The following PDCD7 variants were observed in gnomAD, a reference collection of about 807,000 sequenced individuals.
PDCD7 encodes the protein programmed cell death 7, also known as programmed cell death protein 7.
A neutral mutation model predicts 42.1 loss-of-function variants in PDCD7; 40 were observed. That is an observed-to-expected ratio of 0.95 (90% CI 0.74 to 1.24). The LOEUF (loss-of-function observed/expected upper bound fraction) is 1.24. Ranked by LOEUF, PDCD7 falls within the 50% of genes most tolerant of loss-of-function variation. The pLI is 0.00. For synonymous variants in PDCD7, 299 were observed against 303.3 expected (o/e 0.99, Z 0.15); for missense variants, 644 against 662.8 (o/e 0.97, Z 0.31).
rs535120052 is a variant in PDCD7, at chr15:65,118,642, G to C, written c.*75C>G. 17 of 1,449,378 alleles carry C rather than the reference G, an allele frequency of 1.2e-5. No individual in the cohort carries two copies. The East Asian group carries it at 4.0e-4, about 34-fold the overall frequency. The allele number at this position is 1,449,378 out of a possible 1,614,324, so 89.8% of individuals were successfully genotyped here. A position where few individuals can be genotyped will look rare whatever the true frequency, so the allele number is the denominator to read the frequency against. Reference sequence around the variant, plus strand: ...TTTAGAAGTTGCAGTTTAGTCTACAGCAAAAGATGGCACCATCGCTAATAT... The same window carrying C: ...TTTAGAAGTTGCAGTTTAGTCTACACCAAAAGATGGCACCATCGCTAATAT... On this transcript the variant is annotated 3_prime_UTR_variant, in exon 5 of 5. Coordinates refer to ENST00000204549, the MANE Select transcript of PDCD7 (RefSeq NM_005707.2).
intron 2 of PDCD7, among the ~76,000 whole-genome samples, chr15:65,121,473 A>C (rs1003193950): frequency 2.0e-5 from 3 of 152,224 alleles, no homozygotes; most frequent in African/African-American, 7.2e-5. Flanking sequence ...TCCCAGATCT[A>C]ATTAATAAAC....
In PDCD7 at chr15:65,132,949, C is replaced by A; in HGVS notation, c.833G>T (p.Arg278Met). 2 of 1,606,356 alleles carry A rather than the reference C, an allele frequency of 1.2e-6. No homozygotes were observed. Among genetic ancestry groups the A allele is most frequent in the Non-Finnish European group, 1.7e-6 (2 of 1,179,876 alleles). Residue 278 changes from arginine (R) to methionine (M), a missense_variant, in exon 1 of 5, where the codon AGG (arginine) becomes ATG (methionine). Coordinates refer to ENST00000204549, the MANE Select transcript of PDCD7 (RefSeq NM_005707.2). ...CTCCACCTCCTGCACACACTTCACC[C>A]TCCAGCGGTCAATCTCCTGCTCGCG... ...VEREQEIDRWRVKCVQEVEEK... is the reference protein window; with the variant it reads ...VEREQEIDRWMVKCVQEVEEK...
intron 1 of PDCD7, among the ~76,000 whole-genome samples, chr15:65,131,883 A>G (rs920719398): frequency 2.0e-5 from 3 of 152,210 alleles, no homozygotes; most frequent in Non-Finnish European, 4.4e-5. Context: ...GGAAACTGCC[A>G]CAAACTCGTT....
At chr15:65,121,058 T>C (rs1037286527) in intron 2 of PDCD7, among the ~76,000 whole-genome samples, 1 of 149,806 alleles carries the variant, frequency 6.7e-6, no homozygotes, top group African/African-American at 2.5e-5. Context: ...TCTTTCTTTT[T>C]TTTTTTTTTT....
chr15:65,121,152 G>A (rs1011322527), intron 2 of PDCD7, among the ~76,000 whole-genome samples: 7 of 151,286 alleles, frequency 4.6e-5, no homozygotes, highest in African/African-American at 1.7e-4. Context: ...ACGCATCCCG[G>A]GTTCAAGCGA....
intron 1 of PDCD7, 124 bp downstream of exon 1, chr15:65,132,788 G>T: frequency 7.1e-7 from 1 of 1,405,838 alleles, no homozygotes; most frequent in Non-Finnish European, 9.6e-7. Flanking sequence ...GGGAAGGTTA[G>T]CTATCGCTTC....
chr15:65,120,585 G>T (rs1047030021), intron 2 of PDCD7, among the ~76,000 whole-genome samples: 1 of 152,262 alleles, frequency 6.6e-6, no homozygotes, highest in East Asian at 1.9e-4. Flanking sequence ...GCAGGTACCT[G>T]TAGTCCCAGC....
At chr15:65,119,353 C>G in intron 4 of PDCD7, 23 bp downstream of exon 4, 1 of 1,559,916 alleles carries the variant, frequency 6.4e-7, no homozygotes, top group Non-Finnish European at 8.8e-7. Context: ...AGAAAGACAA[C>G]ATGGAGAGCC....
intron 1 of PDCD7, among the ~76,000 whole-genome samples, chr15:65,130,252 G>T (rs1335593109): frequency 1.3e-5 from 2 of 149,998 alleles, no homozygotes. Context: ...CCGCCTCCTG[G>T]GTTCAAGCGA....
intron 1 of PDCD7, 39 bp from the exon 2 acceptor site, chr15:65,129,209 A>G (rs747332131): frequency 4.2e-5 from 68 of 1,609,060 alleles, no homozygotes; most frequent in Non-Finnish European, 5.4e-5. Flanking sequence ...TCGTATTAGG[A>G]ACAAACTTAC....
chr15:65,125,428 G>A (rs1298216068), intron 2 of PDCD7, among the ~76,000 whole-genome samples: 2 of 151,976 alleles, frequency 1.3e-5, no homozygotes, highest in African/African-American at 2.4e-5. Flanking sequence ...TTTCTTCACA[G>A]GCAATCTTTT....
Position 65,129,882 on chromosome 15 carries a change from C to T in PDCD7, c.871-712G>A, listed in dbSNP as rs1201654964. On this transcript the variant is annotated intron_variant, in intron 1 of 4. Transcript: ENST00000204549. ...CCTACAGGCTATGACAAACCCGCTGCACTCCAGCCTGGGCAACAGAGTGAA... is the reference window on the plus strand; with the variant it reads ...CCTACAGGCTATGACAAACCCGCTGTACTCCAGCCTGGGCAACAGAGTGAA... Among the ~76,000 whole-genome samples the T allele has an allele frequency of 7.3e-5, 11 of 151,116 alleles. No individual in the cohort carries two copies. In the South Asian group the frequency reaches 2.1e-3, roughly 29 times the overall value.
At chr15:65,132,080 A>G (rs2087543924) in intron 1 of PDCD7, among the ~76,000 whole-genome samples, 1 of 144,570 alleles carries the variant, frequency 6.9e-6, no homozygotes. Flanking sequence ...ACATACATAT[A>G]TATACACATA....
chr15:65,133,026 C>A lies in PDCD7; in HGVS notation c.756G>T (p.Arg252Ser), dbSNP rs958256890. 1 of 1,599,010 alleles carries A rather than the reference C, an allele frequency of 6.3e-7. No homozygotes were observed. The highest frequency in any genetic ancestry group is 1.3e-5 in the African/African-American group (1 of 74,952). Residue 252 changes from arginine to serine, a missense_variant, in exon 1 of 5, where the codon AGG (arginine) becomes AGT (serine). Transcript: ENST00000204549. Reference protein sequence around the residue: ...VRRRRLRLRERAREREAEREA... With the variant: ...VRRRRLRLRESAREREAEREA... The stretch of plus-strand genomic sequence containing the variant: ...CCCGCTCGGCCTCGCGTTCCCGGGC[C>A]CTCTCGCGAAGCCGCAGCCGGCGGC...
chr15:65,123,579 CAT>C (rs540775087), intron 2 of PDCD7, among the ~76,000 whole-genome samples: 11 of 152,202 alleles, frequency 7.2e-5, no homozygotes, highest in Non-Finnish European at 1.3e-4. Context: ...TGATAAATGG[CAT>C]AAATAATGGT....
In PDCD7 at chr15:65,133,798, C is replaced by A. The variant is rs748891636; in HGVS notation, c.-17G>T. The A allele has an allele frequency of 5.1e-6, 7 of 1,361,030 alleles. 1 individual carries two copies. In the South Asian group the frequency reaches 1.4e-4, roughly 27 times the overall value. 84.3% of individuals were successfully genotyped at this position (1,361,030 alleles called of 1,614,324 possible). A position where few individuals can be genotyped will look rare whatever the true frequency, so the allele number is the denominator to read the frequency against. ...CAGGGCCATGTTCACGACGGAGATGCTTTGAGAAGTGACAGGAATCTGAGT... is the reference window on the plus strand; with the variant it reads ...CAGGGCCATGTTCACGACGGAGATGATTTGAGAAGTGACAGGAATCTGAGT... On this transcript the variant is annotated 5_prime_UTR_variant, in exon 1 of 5. Coordinates refer to ENST00000204549, the MANE Select transcript of PDCD7 (RefSeq NM_005707.2).
At position 65,133,204 on chromosome 15, in the gene PDCD7, T is replaced by G; in HGVS notation, c.578A>C (p.Gln193Pro). ...GTCGGCTTCGGCCTCGCGCAGGGCC[T>G]GGCTCAGGCCGCGCAGCCGCCGCAC... ...RLVRRLRGLSQALREAEADGA... is the reference protein window; with the variant it reads ...RLVRRLRGLSPALREAEADGA... Residue 193 changes from glutamine (Q) to proline (P), a missense_variant, in exon 1 of 5, where the codon CAG becomes CCG. Gln to Pro is a moderately conservative substitution (Grantham distance 76, BLOSUM62 -1). Coordinates refer to ENST00000204549, the MANE Select transcript of PDCD7 (RefSeq NM_005707.2). 7.2e-7 allele frequency: 1 copy of G among 1,391,962 alleles called. No homozygotes were observed. The highest frequency in any genetic ancestry group is 1.6e-5 in the South Asian group (1 of 61,990). The allele number at this position is 1,391,962 out of a possible 1,614,324, so 86.2% of individuals were successfully genotyped here.
In PDCD7 at chr15:65,119,478, C is replaced by T; in HGVS notation, c.1247-15G>A. The T allele has an allele frequency of 6.4e-7, 1 of 1,563,528 alleles. No individual in the cohort carries two copies. On this transcript the variant is annotated splice_polypyrimidine_tract_variant and intron_variant, in intron 3 of 4. Transcript: ENST00000204549. ...TGGGAACTCATCTGAAAGAGAAAAG[C>T]ACAATACCACGTTATCATGCTTGAT...
At chr15:65,126,086 G>A (rs961262806) in intron 2 of PDCD7, among the ~76,000 whole-genome samples, 1 of 152,124 alleles carries the variant, frequency 6.6e-6, no homozygotes, top group African/African-American at 2.4e-5. Context: ...GGGAATTATG[G>A]GAGCTACAAT....
Sources: allele counts gnomAD v4.1 joint callset (sites outside exome capture counted in the v4.1 genomes callset), GRCh38; gene constraint gnomAD v4.1.1; transcripts MANE v1.5; gene names NCBI Gene and HGNC (gene_info 2026-07-23, HGNC 2026-07-21).